The following PRKCQ variants were observed in gnomAD, a reference collection of about 807,000 sequenced individuals.
The protein encoded by PRKCQ is protein kinase C theta.
PRKCQ carries 41 observed loss-of-function variants against 91.2 expected under a neutral mutation model. The observed-to-expected ratio is 0.45, with a 90% CI of 0.35 to 0.58. The LOEUF (loss-of-function observed/expected upper bound fraction) is 0.58. Among genes scored for constraint, PRKCQ ranks in the 20% least tolerant of loss-of-function variants. The pLI is 0.00. For synonymous variants in PRKCQ, 307 were observed against 316.9 expected, an observed-to-expected ratio of 0.97 and a Z score of 0.33; for missense variants, 673 against 896.5, an observed-to-expected ratio of 0.75 and a Z score of 3.18.
chr10:6,578,003 C>T (rs561997671), intron 1 of PRKCQ, among the ~76,000 whole-genome samples: 5 of 152,288 alleles, frequency 3.3e-5, no homozygotes, highest in African/African-American at 1.2e-4. Flanking sequence ...TTAGTCTTTT[C>T]CACGGAAGAG....
intron 1 of PRKCQ, among the ~76,000 whole-genome samples, chr10:6,527,621 G>A (rs1478288381): frequency 6.6e-6 from 1 of 152,106 alleles, no homozygotes; most frequent in Non-Finnish European, 1.5e-5. Flanking sequence ...AGGTAAGCCT[G>A]GAAGCCAAGT....
At chr10:6,447,064 TGCATTGCAATCCCATCTGGATTTACTG>T (rs1252777675) in intron 15 of PRKCQ, among the ~76,000 whole-genome samples, 3 of 152,168 alleles carry the variant, frequency 2.0e-5, no homozygotes, top group Admixed American at 1.3e-4. Context: ...GCTGCTTCCA[TGCATTGCAATCCCATCTGGATTTACTG>T]AGTGTCTAGT....
At chr10:6,540,693 G>A (rs1361236508) in intron 1 of PRKCQ, among the ~76,000 whole-genome samples, 5 of 152,118 alleles carry the variant, frequency 3.3e-5, no homozygotes, top group African/African-American at 1.2e-4. Flanking sequence ...ATGCTGCCAC[G>A]GAGTTTAGTG....
At chr10:6,439,003 A>C (rs1283048139) in intron 16 of PRKCQ, among the ~76,000 whole-genome samples, 3 of 152,232 alleles carry the variant, frequency 2.0e-5, no homozygotes, top group African/African-American at 7.2e-5. Flanking sequence ...TGTATTTAGC[A>C]TGTTGTATTG....
chr10:6,509,283 T>C lies in PRKCQ; in HGVS notation c.318+1712A>G, dbSNP rs1838350358. Reference sequence around the variant, plus strand: ...GATACAAATAGAACAGCAACCTGCCTATCAGTGAAGACTACTTAACAAAAA... The same window carrying C: ...GATACAAATAGAACAGCAACCTGCCCATCAGTGAAGACTACTTAACAAAAA... On this transcript the variant is annotated intron_variant, in intron 3 of 17. Transcript: ENST00000263125. Among the ~76,000 whole-genome samples, 4 of 152,186 alleles carry C rather than the reference T, an allele frequency of 2.6e-5. No homozygotes were observed. The South Asian group carries it at 8.3e-4, about 32-fold the overall frequency.
chr10:6,567,042 G>A (rs933639794), intron 1 of PRKCQ, among the ~76,000 whole-genome samples: 2 of 152,188 alleles, frequency 1.3e-5, no homozygotes, highest in African/African-American at 4.8e-5. Flanking sequence ...TCTGTGCTGA[G>A]AGTTAAAGAG....
At chr10:6,462,254 G>C in intron 14 of PRKCQ, 49 bp downstream of exon 14, 1 of 1,532,668 alleles carries the variant, frequency 6.5e-7, no homozygotes, top group Non-Finnish European at 9.0e-7. Flanking sequence ...AATTAACTGA[G>C]CCAGGAAAGC....
intron 1 of PRKCQ, among the ~76,000 whole-genome samples, chr10:6,536,327 C>T (rs1288435810): frequency 6.6e-6 from 1 of 152,110 alleles, no homozygotes; most frequent in African/African-American, 2.4e-5. Context: ...ATCACCTTGG[C>T]AGTGACCTTG....
At chr10:6,432,383 G>T (rs149994531) in intron 16 of PRKCQ, among the ~76,000 whole-genome samples, 1 of 151,952 alleles carries the variant, frequency 6.6e-6, no homozygotes, top group African/African-American at 2.4e-5. Flanking sequence ...AAGTTTTTTC[G>T]CTTTTTTAAA....
intron 4 of PRKCQ, among the ~76,000 whole-genome samples, chr10:6,504,493 T>C (rs1838082693): frequency 6.6e-6 from 1 of 152,190 alleles, no homozygotes; most frequent in African/African-American, 2.4e-5. Flanking sequence ...TGTAAGGCCA[T>C]CCCTCTTCTT....
chr10:6,410,034 G>A, the PRKCQ span, among the ~76,000 whole-genome samples: 2 of 152,194 alleles, frequency 1.3e-5, no homozygotes, highest in African/African-American at 4.8e-5. Flanking sequence ...AAACTATGAA[G>A]GGGAAGGAGT....
At chr10:6,577,373 T>C (rs1358647504) in intron 1 of PRKCQ, among the ~76,000 whole-genome samples, 1 of 152,254 alleles carries the variant, frequency 6.6e-6, no homozygotes, top group Non-Finnish European at 1.5e-5. Context: ...CTATAGTTTC[T>C]CATGACTTCT....
intron 8 of PRKCQ, among the ~76,000 whole-genome samples, chr10:6,488,295 G>A (rs550728905): frequency 6.6e-6 from 1 of 152,112 alleles, no homozygotes; most frequent in African/African-American, 2.4e-5. Flanking sequence ...GTGAAATTTG[G>A]GCAACCCTCA....
At chr10:6,492,529 A>G (rs546747664) in intron 7 of PRKCQ, among the ~76,000 whole-genome samples, 6 of 152,310 alleles carry the variant, frequency 3.9e-5, no homozygotes, top group African/African-American at 9.6e-5. Flanking sequence ...CTTGCCCAGG[A>G]CACGCAGCTC....
Position 6,464,210 on chromosome 10 carries a change from T to G in PRKCQ, c.1445+103A>C, listed in dbSNP as rs1835509245. ...CTCGATGTATTCCCAAGGGTTCACC[T>G]GGCCCTGGGATTCAGGCATGCCAAG... is the stretch of plus-strand genomic sequence containing the variant. On this transcript the variant is annotated intron_variant, in intron 13 of 17. Transcript: ENST00000263125. 3.1e-6 allele frequency: 3 copies of G among 966,496 alleles called. No homozygotes were observed. In the Admixed American group the frequency reaches 6.5e-5, roughly 21 times the overall value. The allele number at this position is 966,496 out of a possible 1,614,324, so 59.9% of individuals were successfully genotyped here.
chr10:6,492,416 T>C (rs919024676), intron 7 of PRKCQ, among the ~76,000 whole-genome samples: 2 of 152,182 alleles, frequency 1.3e-5, no homozygotes, highest in African/African-American at 4.8e-5. Context: ...ATCTATTACA[T>C]AGGTGATATC....
intron 3 of PRKCQ, among the ~76,000 whole-genome samples, chr10:6,509,272 A>T (rs968613151): frequency 1.6e-4 from 24 of 152,360 alleles, no homozygotes; most frequent in African/African-American, 5.8e-4. Context: ...CAAATAGAAC[A>T]GCAACCTGCC....
At chr10:6,510,246 T>A (rs1357825395) in intron 3 of PRKCQ, among the ~76,000 whole-genome samples, 1 of 152,232 alleles carries the variant, frequency 6.6e-6, no homozygotes, top group Non-Finnish European at 1.5e-5. Flanking sequence ...TTTTTAACGC[T>A]TTGATTATTT....
intron 8 of PRKCQ, chr10:6,489,326 T>C (rs1300129368): frequency 4.2e-6 from 2 of 479,128 alleles, no homozygotes; most frequent in African/African-American, 4.0e-5. Context: ...TAGGCTTCTC[T>C]GTGACTTGCA....
Sources: gnomAD v4.1 joint callset for allele counts (sites outside exome capture counted in the v4.1 genomes callset) on GRCh38, gnomAD v4.1.1 for gene constraint, MANE v1.5 for transcripts, NCBI Gene and HGNC (gene_info 2026-07-23, HGNC 2026-07-21) for gene names.